The following METTL14 variants were observed in gnomAD, a reference collection of about 807,000 sequenced individuals.
METTL14 encodes methyltransferase 14, N6-adenosine-methyltransferase non-catalytic subunit.
Under a neutral mutation model 62.4 loss-of-function variants are expected in METTL14, and 32 were observed. The ratio of observed to expected loss-of-function variants is 0.51; its 90% CI spans 0.39 to 0.69. The LOEUF is 0.69. Ranked by LOEUF, METTL14 falls within the 30% of genes least tolerant of loss-of-function variation. The pLI, the probability that METTL14 is intolerant of heterozygous loss-of-function variation, is 0.00. For missense variants in METTL14, 340 were observed against 551.9 expected (o/e 0.62, Z 3.85); for synonymous variants, 150 against 180.0 (o/e 0.83, Z 1.34).
intron 10 of METTL14, among the ~76,000 whole-genome samples, 177 bp downstream of exon 10, chr4:118,705,998 C>T (rs1724745017): frequency 6.6e-6 from 1 of 152,188 alleles, no homozygotes; most frequent in Non-Finnish European, 1.5e-5. Context: ...AGAGACTTTT[C>T]CATATACCTG....
chr4:118,706,018 C>A (rs191698438), intron 10 of METTL14, among the ~76,000 whole-genome samples, 197 bp downstream of exon 10: 295 of 152,322 alleles, frequency 1.9e-3, no homozygotes, highest in African/African-American at 6.7e-3. Flanking sequence ...GCTGCCCCCA[C>A]ACATGCATAA....
chr4:118,706,980 T>C (rs1392705019), intron 10 of METTL14, among the ~76,000 whole-genome samples: 1 of 152,206 alleles, frequency 6.6e-6, no homozygotes, highest in East Asian at 1.9e-4. Context: ...TGGAGAATAG[T>C]ACTTTATCAG....
intron 7 of METTL14, among the ~76,000 whole-genome samples, chr4:118,699,864 G>C (rs1724535758): frequency 6.6e-6 from 1 of 152,150 alleles, no homozygotes; most frequent in African/African-American, 2.4e-5. Flanking sequence ...CCTGAAGGAA[G>C]TGCCAGTAGT....
At chr4:118,699,054 A>C (rs1181171784) in intron 7 of METTL14, among the ~76,000 whole-genome samples, 1 of 152,214 alleles carries the variant, frequency 6.6e-6, no homozygotes, top group Non-Finnish European at 1.5e-5. Context: ...AAACCAAGGG[A>C]ACAGTGAGTT....
In METTL14 at chr4:118,685,591, C is replaced by G; in HGVS notation, c.57C>G (p.Leu19=). Residue 19 remains leucine (L), a synonymous_variant, in exon 1 of 11, where the codon CTC becomes CTG. Coordinates refer to ENST00000388822, the MANE Select transcript of METTL14 (RefSeq NM_020961.4). ...GGCAGAAGTTACGGCGACAGCTCCT[C>G]GCGCAGCAGGTCCGCGGCCCTGGTG... ...RERQKLRRQL[L]AQQLGAESAD... 1 of 1,614,112 alleles carries G rather than the reference C, an allele frequency of 6.2e-7. No homozygotes were observed. Among genetic ancestry groups the G allele is most frequent in the Non-Finnish European group, 8.5e-7 (1 of 1,179,998 alleles).
At chr4:118,695,506 A>G (rs1374597994) in intron 6 of METTL14, among the ~76,000 whole-genome samples, 1 of 152,044 alleles carries the variant, frequency 6.6e-6, no homozygotes, top group Non-Finnish European at 1.5e-5. Flanking sequence ...CCGAGATCGC[A>G]CCATTGCACT....
At chr4:118,702,147 C>G (rs544718471) in intron 8 of METTL14, among the ~76,000 whole-genome samples, 24 of 141,944 alleles carry the variant, frequency 1.7e-4, no homozygotes, top group Non-Finnish European at 3.2e-4. Flanking sequence ...TGAGGCAGAG[C>G]CTTGCTCTGT....
At chr4:118,700,913 C>G (rs1724569654) in intron 8 of METTL14, among the ~76,000 whole-genome samples, 1 of 152,020 alleles carries the variant, frequency 6.6e-6, no homozygotes, top group African/African-American at 2.4e-5. Context: ...TTTGAAACTC[C>G]AAATTATACC....
At chr4:118,700,459 T>A in intron 7 of METTL14, 91 bp from the exon 8 acceptor site, 3 of 980,348 alleles carry the variant, frequency 3.1e-6, no homozygotes, top group South Asian at 2.8e-5. Flanking sequence ...AGAACACATC[T>A]ATCCTAATAA....
At chr4:118,685,985 G>T (rs1032041899) in intron 1 of METTL14, among the ~76,000 whole-genome samples, 6 of 152,010 alleles carry the variant, frequency 3.9e-5, no homozygotes, top group Admixed American at 3.9e-4. Context: ...TTGAGATTGT[G>T]GTTTCATTAT....
intron 1 of METTL14, chr4:118,686,660 T>C (rs1479490578): frequency 4.4e-6 from 2 of 455,960 alleles, no homozygotes; most frequent in Non-Finnish European, 8.8e-6. Context: ...TTCTAAGTCT[T>C]CTTTTCGCCA....
chr4:118,699,671 GA>G (rs1724528611), intron 7 of METTL14, among the ~76,000 whole-genome samples: 1 of 152,156 alleles, frequency 6.6e-6, no homozygotes, highest in South Asian at 2.1e-4. Flanking sequence ...TTTCAGCAGT[GA>G]AGGTACAAGA....
intron 2 of METTL14, among the ~76,000 whole-genome samples, chr4:118,688,291 G>T (rs1453955094): frequency 6.6e-6 from 1 of 152,062 alleles, no homozygotes; most frequent in Non-Finnish European, 1.5e-5. Context: ...ACAAAAATTA[G>T]CCAGACATGG....
intron 8 of METTL14, among the ~76,000 whole-genome samples, chr4:118,702,643 G>A (rs946482577): frequency 6.6e-6 from 1 of 151,990 alleles, no homozygotes; most frequent in African/African-American, 2.4e-5. Context: ...CAGCATGGTG[G>A]CACGTGCTTG....
rs1237524687 is a variant in METTL14, at chr4:118,710,307, T to C, written c.*5T>C. On this transcript the variant is annotated 3_prime_UTR_variant, in exon 11 of 11. Transcript: ENST00000388822. ...GGTGGCTTTCCACCTCGATAATTGT[T>C]GAAGACATTGAACCTATTCATCCTC... is the stretch of plus-strand genomic sequence containing the variant. 1 of 1,606,548 alleles carries C rather than the reference T, an allele frequency of 6.2e-7. No individual in the cohort carries two copies. Among genetic ancestry groups the C allele is most frequent in the Non-Finnish European group, 8.5e-7 (1 of 1,177,020 alleles).
chr4:118,700,710 AG>A (rs1472057112), intron 8 of METTL14, 68 bp downstream of exon 8: 2 of 1,069,334 alleles, frequency 1.9e-6, no homozygotes, highest in Non-Finnish European at 2.7e-6. Flanking sequence ...TATGTTGCAT[AG>A]GATGTTTGAA....
At chr4:118,695,192 C>G (rs1260974527) in intron 6 of METTL14, among the ~76,000 whole-genome samples, 2 of 152,046 alleles carry the variant, frequency 1.3e-5, no homozygotes, top group Non-Finnish European at 2.9e-5. Context: ...AGAGGGGGCT[C>G]TCAGTTTTTT....
chr4:118,700,771 GA>G lies in METTL14; in HGVS notation c.738+139del, dbSNP rs953265800. On this transcript the variant is annotated intron_variant, in intron 8 of 10. Coordinates refer to ENST00000388822, the MANE Select transcript of METTL14 (RefSeq NM_020961.4). ...TTCTTAAATAATTCTAAAATAGTGA[GA>G]AAAAAAAAATGTCCAGAAAAGAACG... is the stretch of plus-strand genomic sequence containing the variant. 2.8e-3 allele frequency: 1,499 copies of G among 537,056 alleles called. 4 individuals carry two copies. The highest frequency in any genetic ancestry group is 0.012 in the East Asian group (350 of 28,986). The allele number at this position is 537,056 out of a possible 1,614,324, so 33.3% of individuals were successfully genotyped here.
At chr4:118,686,658 C>T (rs1724071421) in intron 1 of METTL14, 2 of 455,960 alleles carry the variant, frequency 4.4e-6, no homozygotes, top group Admixed American at 4.7e-5. Flanking sequence ...CTTTCTAAGT[C>T]TTCTTTTCGC....
Sources: gnomAD v4.1 joint callset for allele counts (sites outside exome capture counted in the v4.1 genomes callset) on GRCh38, gnomAD v4.1.1 for gene constraint, MANE v1.5 for transcripts, NCBI Gene and HGNC (gene_info 2026-07-23, HGNC 2026-07-21) for gene names.